The following ASMTL variants were observed in gnomAD, a reference collection of about 807,000 sequenced individuals.
ASMTL encodes acetylserotonin O-methyltransferase like.
A neutral mutation model predicts 60.3 loss-of-function variants in ASMTL; 57 were observed. The ratio of observed to expected loss-of-function variants is 0.95; its 90% CI spans 0.76 to 1.18. ASMTL has a LOEUF of 1.18. Among genes scored for constraint, ASMTL ranks in the 50% most tolerant of loss-of-function variants. The pLI is 0.00. For missense variants in ASMTL, 981 were observed against 852.6 expected (o/e 1.15, Z -1.88); for synonymous variants, 419 against 373.0 (o/e 1.12, Z -1.42).
intron 2 of ASMTL, among the ~76,000 whole-genome samples, chrX:1,439,848 G>GAA (rs1374787673): frequency 7.9e-6 from 1 of 126,030 alleles, no homozygotes. Context: ...AAAAAAAAAA[G>GAA]AAAAAAAAAA....
intron 2 of ASMTL, 122 bp from the exon 3 acceptor site, chrX:1,439,266 A>C (rs1442451475): frequency 7.1e-6 from 7 of 979,424 alleles, no homozygotes; most frequent in African/African-American, 1.6e-5. Context: ...TTTGGAAGTG[A>C]AGGCTGGGGG....
At chrX:1,431,282 T>A (rs1305055057) in intron 6 of ASMTL, among the ~76,000 whole-genome samples, 1 of 128,926 alleles carries the variant, frequency 7.8e-6, no homozygotes, top group Non-Finnish European at 1.5e-5. Flanking sequence ...TATATATAAA[T>A]AAAATTAAAT....
chrX:1,435,630 C>T (rs2090942560), intron 4 of ASMTL, 64 bp downstream of exon 4: 1 of 1,533,792 alleles, frequency 6.5e-7, no homozygotes, highest in Admixed American at 1.7e-5. Context: ...GACACCCGGC[C>T]AGATACCACA....
chrX:1,431,089 T>C (rs1358622264), intron 6 of ASMTL, among the ~76,000 whole-genome samples: 1 of 127,210 alleles, frequency 7.9e-6, no homozygotes, highest in Non-Finnish European at 1.5e-5. Flanking sequence ...TATTTCTATA[T>C]TATATAAATA....
chrX:1,443,962 C>T (rs1466712432), intron 1 of ASMTL, among the ~76,000 whole-genome samples: 1 of 152,252 alleles, frequency 6.6e-6, no homozygotes, highest in East Asian at 1.9e-4. Context: ...CCATGTTGGA[C>T]ACACACTTCC....
chrX:1,417,342 C>T (rs6645287), intron 11 of ASMTL, among the ~76,000 whole-genome samples: 95,236 of 151,192 alleles, frequency 0.63, 31,273 homozygotes, highest in South Asian at 0.84. Context: ...TATATCCACA[C>T]GGATGCACAC....
intron 10 of ASMTL, 169 bp downstream of exon 10, chrX:1,418,813 C>T: frequency 2.7e-6 from 1 of 376,860 alleles, no homozygotes; most frequent in Non-Finnish European, 3.7e-6. Context: ...CCGGGGTCCT[C>T]CTGGAACTTG....
chrX:1,412,947 C>T (rs1192261271), intron 11 of ASMTL, 93 bp from the exon 12 acceptor site: 1 of 1,402,888 alleles, frequency 7.1e-7, no homozygotes, highest in Admixed American at 1.7e-5. Context: ...CATCCTAAAT[C>T]AGGGACAGAG....
At chrX:1,433,552 G>A (rs1415892978) in intron 5 of ASMTL, among the ~76,000 whole-genome samples, 1 of 150,502 alleles carries the variant, frequency 6.6e-6, no homozygotes, top group Admixed American at 6.6e-5. Context: ...CGTGGTGGCG[G>A]GCCCGTCGTC....
At chrX:1,442,767 GA>G (rs2091134996) in intron 1 of ASMTL, among the ~76,000 whole-genome samples, 1 of 152,174 alleles carries the variant, frequency 6.6e-6, no homozygotes, top group East Asian at 1.9e-4. Context: ...TGTGGGAAGG[GA>G]GACAATGATG....
chrX:1,432,222 A>G (rs190479143), intron 6 of ASMTL, 47 bp downstream of exon 6: 1 of 1,476,900 alleles, frequency 6.8e-7, no homozygotes, highest in South Asian at 1.2e-5. Context: ...GAGGGTGGCC[A>G]GGCTTCCACA....
At chrX:1,430,761 G>T (rs2090747440) in intron 6 of ASMTL, among the ~76,000 whole-genome samples, 1 of 147,612 alleles carries the variant, frequency 6.8e-6, no homozygotes, top group African/African-American at 2.6e-5. Context: ...GACAGAGTGA[G>T]ACCGTGTCTC....
chrX:1,448,053 CCACCATCTTGGACACA>C (rs2091267199), intron 1 of ASMTL, among the ~76,000 whole-genome samples: 3 of 150,248 alleles, frequency 2.0e-5, no homozygotes, highest in Admixed American at 6.6e-5. Flanking sequence ...TGGATAAGAA[CCACCATCTTGGACACA>C]CACCATCTTG....
chrX:1,451,903 C>T (rs2091399864), intron 1 of ASMTL, among the ~76,000 whole-genome samples: 1 of 139,976 alleles, frequency 7.1e-6, no homozygotes, highest in African/African-American at 2.7e-5. Context: ...CTGGGTCACT[C>T]CTCCCTCCCC....
intron 12 of ASMTL, among the ~76,000 whole-genome samples, chrX:1,412,460 C>T (rs1421821533): frequency 6.6e-6 from 1 of 151,712 alleles, no homozygotes; most frequent in Non-Finnish European, 1.5e-5. Context: ...ACTGCTCACC[C>T]CGGGTGATCC....
At chrX:1,429,194 C>A in intron 6 of ASMTL, among the ~76,000 whole-genome samples, 1 of 151,746 alleles carries the variant, frequency 6.6e-6, no homozygotes, top group Non-Finnish European at 1.5e-5. Context: ...CACGTCTGGC[C>A]CTCTTTTCTC....
intron 3 of ASMTL, 88 bp downstream of exon 3, chrX:1,439,009 G>C: frequency 7.2e-7 from 1 of 1,386,812 alleles, no homozygotes. Flanking sequence ...GTCTTAAGGG[G>C]AATGTACAAC....
chrX:1,415,348 A>G (rs1427366075), intron 11 of ASMTL, among the ~76,000 whole-genome samples: 1 of 152,062 alleles, frequency 6.6e-6, no homozygotes, highest in African/African-American at 2.4e-5. Flanking sequence ...GTGGATGCCC[A>G]TGAATGCTGA....
intron 2 of ASMTL, among the ~76,000 whole-genome samples, chrX:1,441,407 G>C (rs2091103696): frequency 6.6e-6 from 1 of 152,054 alleles, no homozygotes. Context: ...CTCCTGAGTA[G>C]CTGGGATTAC....
Sources: allele counts gnomAD v4.1 joint callset (sites outside exome capture counted in the v4.1 genomes callset), GRCh38; gene constraint gnomAD v4.1.1; transcripts MANE v1.5; gene names NCBI Gene and HGNC (gene_info 2026-07-23, HGNC 2026-07-21).